The following PPARD variants were observed in gnomAD, a reference collection of about 807,000 sequenced individuals.
PPARD encodes peroxisome proliferator activated receptor delta, also known as peroxisome proliferator-activated receptor delta.
PPARD carries 6 observed loss-of-function variants against 39.5 expected under a neutral mutation model. The ratio of observed to expected loss-of-function variants is 0.15; its 90% CI spans 0.08 to 0.30. The LOEUF (loss-of-function observed/expected upper bound fraction) is 0.30. PPARD is among the 10% of genes least tolerant of loss of function. The pLI is 1.00. For missense variants in PPARD, 397 were observed against 596.8 expected (o/e 0.67, Z 3.49); for synonymous variants, 210 against 231.3 (o/e 0.91, Z 0.83).
rs1181758701 is a variant in PPARD, at chr6:35,411,199, C to A, written c.112C>A (p.Pro38Thr). 1 of 1,546,558 alleles carries A rather than the reference C, an allele frequency of 6.5e-7. No homozygotes were observed. Among genetic ancestry groups the A allele is most frequent in the South Asian group, 1.2e-5 (1 of 81,520 alleles). ...CAATGGGGGACCACAGCATGCACTT[C>A]CTTCCAGCAGCTACACAGGTGAGGA... ...ELNGGPQHAL[P>T]SSSYTDLSRS... is the part of the protein sequence containing the mutation. The change falls in exon 3 of 8, where the codon CCT becomes ACT. Residue 38 changes from proline to threonine, a missense_variant. Physicochemically the swap from Pro to Thr is conservative, Grantham distance 38. Coordinates refer to ENST00000360694, the MANE Select transcript of PPARD (RefSeq NM_006238.5).
rs9462075 is a variant in PPARD, at chr6:35,360,039, C to T, written c.-102+12889C>T. Reference sequence around the variant, plus strand: ...TGTTGGCTTCAGAAAATAGCAGTCTCTTGTTGGTCACTGAGAAGAGGCAAA... The same window carrying T: ...TGTTGGCTTCAGAAAATAGCAGTCTTTTGTTGGTCACTGAGAAGAGGCAAA... On this transcript the variant is annotated intron_variant, in intron 2 of 7. Transcript: ENST00000360694. Among the ~76,000 whole-genome samples, 363 of 152,234 alleles carry T rather than the reference C, an allele frequency of 2.4e-3. 1 individual carries two copies. Among genetic ancestry groups the T allele is most frequent in the African/African-American group, 8.3e-3 (346 of 41,530 alleles).
rs201745143 is a variant in PPARD, at chr6:35,426,022, C to T, written c.1269C>T (p.Thr423=). ...HAQMMQRIKK[T]ETETSLHPLL... Reference sequence around the variant, plus strand: ...AGATGATGCAGCGGATCAAGAAGACCGAAACCGAGACCTCGCTGCACCCTC... The same window carrying T: ...AGATGATGCAGCGGATCAAGAAGACTGAAACCGAGACCTCGCTGCACCCTC... The change falls in exon 8 of 8, where the codon ACC becomes ACT. Residue 423 remains threonine (T), a synonymous_variant. Coordinates refer to ENST00000360694, the MANE Select transcript of PPARD (RefSeq NM_006238.5). 3.0e-5 allele frequency: 49 copies of T among 1,613,990 alleles called. No individual in the cohort carries two copies. Among genetic ancestry groups the T allele is most frequent in the African/African-American group, 9.3e-5 (7 of 75,034 alleles).
At chr6:35,356,309 T>C (rs11756565) in intron 2 of PPARD, among the ~76,000 whole-genome samples, 75 of 152,280 alleles carry the variant, frequency 4.9e-4, no homozygotes, top group Non-Finnish European at 7.6e-4. Flanking sequence ...TTGCCACCAG[T>C]CCAGTGGAAG....
At chr6:35,377,921 T>C (rs1303707838) in intron 2 of PPARD, among the ~76,000 whole-genome samples, 2 of 149,292 alleles carry the variant, frequency 1.3e-5, no homozygotes, top group East Asian at 3.9e-4. Context: ...TGGAGTGCAG[T>C]GGTGCGATCT....
chr6:35,402,592 G>A (rs992234274), intron 2 of PPARD, among the ~76,000 whole-genome samples: 1 of 152,126 alleles, frequency 6.6e-6, no homozygotes, highest in South Asian at 2.1e-4. Flanking sequence ...GGAATGCGTG[G>A]GTGGCCTCCT....
chr6:35,424,295 C>T lies in PPARD; in HGVS notation c.628-34C>T, dbSNP rs778414812. 9.4e-6 allele frequency: 15 copies of T among 1,603,810 alleles called. No homozygotes were observed. Among genetic ancestry groups the T allele is most frequent in the South Asian group, 7.8e-5 (7 of 89,900 alleles). ...TGGGGAGCACAGGGTGGGGGTCTCC[C>T]GAGGCCTGATCTCTAACGGGGCCTG... is the stretch of plus-strand genomic sequence containing the variant. On this transcript the variant is annotated intron_variant, in intron 6 of 7. Transcript: ENST00000360694. This position sits in a 1 kb window ranked among gnomAD's most constrained non-coding sequence, Gnocchi z 7.1.
At chr6:35,415,353 G>A (rs897261079) in intron 3 of PPARD, among the ~76,000 whole-genome samples, 3 of 152,244 alleles carry the variant, frequency 2.0e-5, no homozygotes, top group African/African-American at 7.2e-5. Flanking sequence ...AGCTCTGCCA[G>A]CAAAGTAAAT....
At chr6:35,392,030 C>A (rs1486451308) in intron 2 of PPARD, among the ~76,000 whole-genome samples, 1 of 151,950 alleles carries the variant, frequency 6.6e-6, no homozygotes, top group Non-Finnish European at 1.5e-5. Context: ...GCCTTATAGG[C>A]CCTGACAGGT....
At chr6:35,365,130 C>CCTTTTTTTTTTTTTTTTTTTTTTTTTT (rs1281072287) in intron 2 of PPARD, among the ~76,000 whole-genome samples, 2 of 121,086 alleles carry the variant, frequency 1.7e-5, no homozygotes, top group African/African-American at 6.9e-5. Flanking sequence ...CTTCCTTATT[C>CCTTTTTTTTTTTTTTTTTTTTTTTTTT]TTTTTTTTTT....
At chr6:35,343,129 C>T (rs1249505489) in intron 1 of PPARD, among the ~76,000 whole-genome samples, 1 of 152,126 alleles carries the variant, frequency 6.6e-6, no homozygotes, top group East Asian at 1.9e-4. Flanking sequence ...CGAGAGTCTT[C>T]TCTGGGATCT....
intron 2 of PPARD, among the ~76,000 whole-genome samples, chr6:35,404,490 G>A (rs184487474): frequency 6.1e-4 from 93 of 152,282 alleles, no homozygotes; most frequent in Admixed American, 9.8e-4. Context: ...GAGGATGGAG[G>A]CCCCTGGCAC....
At chr6:35,380,476 GTTTTTTTTTTTTT>G (rs71002557) in intron 2 of PPARD, among the ~76,000 whole-genome samples, 10 of 67,104 alleles carry the variant, frequency 1.5e-4, no homozygotes, top group South Asian at 7.4e-4. Flanking sequence ...TTTTTTGTTT[GTTTTTTTTTTTTT>G]TTTTTTTTTT....
chr6:35,414,998 G>A (rs529935054), intron 3 of PPARD, among the ~76,000 whole-genome samples: 1 of 152,318 alleles, frequency 6.6e-6, no homozygotes, highest in South Asian at 2.1e-4. Context: ...GCGTGTAGGA[G>A]TAGAGACAGC....
At chr6:35,361,235 C>T (rs1761910253) in intron 2 of PPARD, among the ~76,000 whole-genome samples, 1 of 152,148 alleles carries the variant, frequency 6.6e-6, no homozygotes, top group Non-Finnish European at 1.5e-5. Context: ...TAAATGAGCT[C>T]ATACATGTAA....
intron 2 of PPARD, among the ~76,000 whole-genome samples, chr6:35,375,376 C>T (rs1762755921): frequency 6.6e-6 from 1 of 152,028 alleles, no homozygotes; most frequent in Non-Finnish European, 1.5e-5. Flanking sequence ...TGCCACCACA[C>T]GCGGCTAATT....
At chr6:35,368,593 TC>T (rs1389317670) in intron 2 of PPARD, among the ~76,000 whole-genome samples, 1 of 152,128 alleles carries the variant, frequency 6.6e-6, no homozygotes. Context: ...ACCAATGACT[TC>T]CAGAGGCTGG....
At chr6:35,384,309 C>T (rs1411751750) in intron 2 of PPARD, among the ~76,000 whole-genome samples, 3 of 102,950 alleles carry the variant, frequency 2.9e-5, no homozygotes, top group South Asian at 3.2e-4. Flanking sequence ...GGAGGGAGGT[C>T]GGGGCGTCAG....
chr6:35,413,051 C>T (rs1396906718), intron 3 of PPARD, among the ~76,000 whole-genome samples: 1 of 152,214 alleles, frequency 6.6e-6, no homozygotes, highest in Non-Finnish European at 1.5e-5. Context: ...CCGTGGCCCA[C>T]CTCATCCCCA....
At chr6:35,389,159 C>G (rs915227708) in intron 2 of PPARD, among the ~76,000 whole-genome samples, 5 of 152,186 alleles carry the variant, frequency 3.3e-5, no homozygotes, top group Non-Finnish European at 2.9e-5. Flanking sequence ...CCAGCTTGGC[C>G]TGGACAACAG....
Sources: gnomAD v4.1 joint callset for allele counts (sites outside exome capture counted in the v4.1 genomes callset) on GRCh38, gnomAD v4.1.1 for gene constraint, Gnocchi (gnomAD v3.1) non-coding constraint, MANE v1.5 for transcripts, NCBI Gene and HGNC (gene_info 2026-07-23, HGNC 2026-07-21) for gene names.